SYNPO2: variants seen among roughly 807,000 people sequenced by gnomAD.
SYNPO2 encodes the protein synaptopodin-2.
SYNPO2 carries 56 observed loss-of-function variants against 85.0 expected under a neutral mutation model. The observed-to-expected ratio is 0.66, with a 90% CI of 0.53 to 0.82. The LOEUF (loss-of-function observed/expected upper bound fraction) is 0.82. Ranked by LOEUF, SYNPO2 falls within the 40% of genes least tolerant of loss-of-function variation. The probability of loss-of-function intolerance (pLI) is 0.00; values close to 1 mark genes in which losing one functional copy is unlikely to be tolerated. For missense variants in SYNPO2, 1,575 were observed against 1,534.2 expected (o/e 1.03, Z -0.44); for synonymous variants, 602 against 591.1 (o/e 1.02, Z -0.27).
chr4:118,892,001 G>A (rs1184260623), intron 1 of SYNPO2, among the ~76,000 whole-genome samples: 2 of 151,880 alleles, frequency 1.3e-5, no homozygotes, highest in Admixed American at 1.3e-4. Context: ...AATCTAACAG[G>A]CAGAAATAGT....
At chr4:118,929,840 T>C (rs1022069631) in intron 1 of SYNPO2, among the ~76,000 whole-genome samples, 1 of 152,152 alleles carries the variant, frequency 6.6e-6, no homozygotes, top group Non-Finnish European at 1.5e-5. Context: ...CGTGGATGCA[T>C]ACATTTGGTT....
chr4:118,950,461 A>G (rs555139406), intron 1 of SYNPO2, among the ~76,000 whole-genome samples: 2 of 152,352 alleles, frequency 1.3e-5, no homozygotes, highest in East Asian at 3.9e-4. Flanking sequence ...TGGTTTCTAC[A>G]GGAAGGAATG....
At chr4:118,946,845 A>G (rs970693473) in intron 1 of SYNPO2, among the ~76,000 whole-genome samples, 2 of 152,188 alleles carry the variant, frequency 1.3e-5, no homozygotes, top group Non-Finnish European at 2.9e-5. Context: ...GTGTTTTAAG[A>G]GTGAAATTAA....
intron 1 of SYNPO2, among the ~76,000 whole-genome samples, chr4:118,970,076 G>A (rs544662468): frequency 3.3e-5 from 5 of 152,086 alleles, no homozygotes; most frequent in African/African-American, 1.2e-4. Flanking sequence ...ATTAATAATC[G>A]ACATATATGA....
chr4:119,023,602 T>A (rs376415304), intron 2 of SYNPO2, 21 bp downstream of exon 2: 2 of 1,603,234 alleles, frequency 1.2e-6, no homozygotes, highest in African/African-American at 2.7e-5. Context: ...TTTGCTGGAA[T>A]ATGTATTTTC....
intron 4 of SYNPO2, among the ~76,000 whole-genome samples, chr4:119,055,118 T>G (rs1163712426): frequency 2.0e-5 from 3 of 152,124 alleles, no homozygotes; most frequent in African/African-American, 7.2e-5. Flanking sequence ...CTTCTCTATC[T>G]TCTCTAAACT....
Position 118,865,709 on chromosome 4 carries a change from G to C in SYNPO2, c.12+14769G>C, listed in dbSNP as rs544564164. On this transcript the variant is annotated intron_variant, in intron 1 of 4. Coordinates refer to the SYNPO2 transcript ENST00000610556. ...AAAACTTTGGAAACAGGAGGAAGGA[G>C]GGAGATGAAAGAATAACCTGAAAAA... Among the ~76,000 whole-genome samples the C allele has an allele frequency of 2.6e-5, 4 of 152,242 alleles. No individual in the cohort carries two copies. In the South Asian group the frequency reaches 8.3e-4, roughly 32 times the overall value.
chr4:118,979,487 C>T (rs1735925143), intron 1 of SYNPO2, among the ~76,000 whole-genome samples: 1 of 152,156 alleles, frequency 6.6e-6, no homozygotes. Context: ...TTACTATTGG[C>T]TGCCTTATTT....
At chr4:118,886,523 C>A (rs563897943), upstream of SYNPO2, among the ~76,000 whole-genome samples, 1 of 152,200 alleles carries the variant, frequency 6.6e-6, no homozygotes, top group East Asian at 1.9e-4. Context: ...TGTTCCTGTG[C>A]TAGTTTGCTG....
chr4:118,949,597 A>G (rs1366376249), intron 1 of SYNPO2, among the ~76,000 whole-genome samples: 1 of 151,734 alleles, frequency 6.6e-6, no homozygotes, highest in Non-Finnish European at 1.5e-5. Flanking sequence ...AAAAAAACAA[A>G]AATTAGCTGG....
At chr4:119,019,691 T>G (rs1050217091) in intron 1 of SYNPO2, among the ~76,000 whole-genome samples, 9 of 152,166 alleles carry the variant, frequency 5.9e-5, no homozygotes, top group African/African-American at 2.2e-4. Flanking sequence ...ATAAAATTTA[T>G]TAGCACCATT....
chr4:119,057,788 G>T lies in SYNPO2; in HGVS notation c.3640G>T (p.Gly1214Cys), dbSNP rs1183293417. The change falls in exon 5 of 5, where the codon GGT becomes TGT. Residue 1214 changes from glycine (G) to cysteine (C), a missense_variant. Physicochemically the swap from Gly to Cys is radical, Grantham distance 159 (BLOSUM62 -3). Transcript: ENST00000307142. ...TAATATGTCCACCACCTCCCAATAT[G>T]GTTCACAGTTGCCATATGCATATTA... ...NNNMSTTSQY[G>C]SQLPYAYYRQ... 1 of 1,613,984 alleles carries T rather than the reference G, an allele frequency of 6.2e-7. No individual in the cohort carries two copies. Among genetic ancestry groups the T allele is most frequent in the South Asian group, 1.1e-5 (1 of 91,060 alleles).
At chr4:119,015,845 C>T (rs562633086) in intron 1 of SYNPO2, among the ~76,000 whole-genome samples, 1 of 152,306 alleles carries the variant, frequency 6.6e-6, no homozygotes, top group South Asian at 2.1e-4. Context: ...GTGGCCCAAT[C>T]TTCTGAGCCT....
chr4:119,016,789 T>C (rs1404525358), intron 1 of SYNPO2, among the ~76,000 whole-genome samples: 2 of 152,196 alleles, frequency 1.3e-5, no homozygotes, highest in African/African-American at 4.8e-5. Flanking sequence ...TCTAGCATCA[T>C]GATGGCTGCT....
intron 1 of SYNPO2, among the ~76,000 whole-genome samples, chr4:118,860,541 G>A (rs1472982717): frequency 1.4e-5 from 2 of 145,800 alleles, no homozygotes; most frequent in Non-Finnish European, 3.0e-5. Context: ...ACACTGCCTG[G>A]CCTCTTTTGC....
chr4:118,930,681 A>C (rs1374298485), intron 1 of SYNPO2, among the ~76,000 whole-genome samples: 2 of 151,350 alleles, frequency 1.3e-5, no homozygotes, highest in Non-Finnish European at 2.9e-5. Context: ...TTGGGAGCCC[A>C]AAGTGGAAGG....
At chr4:119,053,557 C>A (rs1345591272) in intron 4 of SYNPO2, among the ~76,000 whole-genome samples, 1 of 152,136 alleles carries the variant, frequency 6.6e-6, no homozygotes, top group Non-Finnish European at 1.5e-5. Flanking sequence ...CAGCTTCAAT[C>A]CTAGGTTTTA....
chr4:118,901,550 G>C (rs1732756955), intron 1 of SYNPO2, among the ~76,000 whole-genome samples: 1 of 152,158 alleles, frequency 6.6e-6, no homozygotes, highest in Non-Finnish European at 1.5e-5. Context: ...CTGTATTCTT[G>C]TTTTTCTGTT....
intron 1 of SYNPO2, among the ~76,000 whole-genome samples, chr4:118,910,139 C>A (rs1222072786): frequency 6.6e-6 from 1 of 152,214 alleles, no homozygotes; most frequent in Non-Finnish European, 1.5e-5. Flanking sequence ...GTCTTTGCAG[C>A]AACACATGTG....
Sources: allele counts gnomAD v4.1 joint callset (sites outside exome capture counted in the v4.1 genomes callset), GRCh38; gene constraint gnomAD v4.1.1; transcripts MANE v1.5; gene names NCBI Gene and HGNC (gene_info 2026-07-23, HGNC 2026-07-21).